SCN9A: variants seen among roughly 807,000 people sequenced by gnomAD.
The protein encoded by SCN9A is sodium voltage-gated channel alpha subunit 9.
A neutral mutation model predicts 187.0 loss-of-function variants in SCN9A; 131 were observed. That is an observed-to-expected ratio of 0.70 (90% confidence interval 0.61 to 0.81). The LOEUF is 0.81. SCN9A is among the 30% of genes least tolerant of loss of function. The pLI, the probability that SCN9A is intolerant of heterozygous loss-of-function variation, is 0.00. For synonymous variants in SCN9A, 809 were observed against 808.6 expected, an observed-to-expected ratio of 1.00 and a Z score of -0.01; for missense variants, 2,252 against 2,396.6, an observed-to-expected ratio of 0.94 and a Z score of 1.26.
intron 8 of SCN9A, 106 bp downstream of exon 8, chr2:166,294,493 A>C: frequency 1.4e-6 from 1 of 738,722 alleles, no homozygotes; most frequent in Admixed American, 2.6e-5. Context: ...ATACCATGAA[A>C]TATATAAAAA....
intron 9 of SCN9A, among the ~76,000 whole-genome samples, chr2:166,292,792 A>C (rs1698135792): frequency 6.6e-6 from 1 of 152,170 alleles, no homozygotes; most frequent in Non-Finnish European, 1.5e-5. Flanking sequence ...TTTGGGAGAG[A>C]AAAACTTAGA....
At chr2:166,250,754 C>T (rs993852628) in intron 18 of SCN9A, among the ~76,000 whole-genome samples, 1 of 152,032 alleles carries the variant, frequency 6.6e-6, no homozygotes, top group African/African-American at 2.4e-5. Flanking sequence ...ATGTAAAGAA[C>T]TTTACATGTC....
intron 11 of SCN9A, among the ~76,000 whole-genome samples, 161 bp downstream of exon 11, chr2:166,286,175 T>A (rs1213126663): frequency 6.6e-6 from 1 of 152,192 alleles, no homozygotes; most frequent in Admixed American, 6.5e-5. Context: ...TGGAAACCTG[T>A]GTACATCTTT....
intron 1 of SCN9A, among the ~76,000 whole-genome samples, chr2:166,312,599 C>G (rs1476578326): frequency 6.6e-6 from 1 of 152,068 alleles, no homozygotes; most frequent in Non-Finnish European, 1.5e-5. Context: ...TTTTCCCAGA[C>G]CCATCAGAGG....
Position 166,204,151 on chromosome 2 carries a change from A to G in SCN9A, c.4578T>C (p.Cys1526=), listed in dbSNP as rs1191592750. The G allele has an allele frequency of 6.2e-7, 1 of 1,611,852 alleles. No homozygotes were observed. The highest frequency in any genetic ancestry group is 8.5e-7 in the Non-Finnish European group (1 of 1,178,380). ...CTACCATCATGGTTACCATGTTGAG[A>G]CAGATAAGAACCATGATACTAATAT... ...AFDISIMVLI[C]LNMVTMMVEK... Residue 1526 remains cysteine (C), a synonymous_variant, in exon 26 of 27, where the codon TGT becomes TGC. Transcript: ENST00000642356.
intron 19 of SCN9A, among the ~76,000 whole-genome samples, chr2:166,238,769 T>C (rs1695431773): frequency 6.6e-6 from 1 of 152,216 alleles, no homozygotes; most frequent in Non-Finnish European, 1.5e-5. Context: ...AAAGATTTGC[T>C]AAATGAATGA....
At chr2:166,222,713 A>T (rs2106376842) in intron 24 of SCN9A, among the ~76,000 whole-genome samples, 1 of 149,464 alleles carries the variant, frequency 6.7e-6, no homozygotes, top group African/African-American at 2.5e-5. Context: ...CGGGCGGATC[A>T]CGAGGTCAGG....
chr2:166,293,154 T>C (rs1477956771), intron 9 of SCN9A, 77 bp downstream of exon 9: 1 of 1,333,724 alleles, frequency 7.5e-7, no homozygotes, highest in Non-Finnish European at 1.0e-6. Flanking sequence ...ATAAAAAACC[T>C]CCTAATACAG....
intron 24 of SCN9A, among the ~76,000 whole-genome samples, chr2:166,220,753 G>T (rs1375226096): frequency 6.6e-6 from 1 of 152,066 alleles, no homozygotes; most frequent in Non-Finnish European, 1.5e-5. Context: ...GTAAGATCAG[G>T]AATAAGACAA....
At chr2:166,276,236 A>G (rs1044569140) in intron 16 of SCN9A, among the ~76,000 whole-genome samples, 1 of 152,174 alleles carries the variant, frequency 6.6e-6, no homozygotes, top group Non-Finnish European at 1.5e-5. Flanking sequence ...ACGCGATGCT[A>G]TAGGCCAGTG....
At chr2:166,305,627 T>G (rs1698728922) in intron 5 of SCN9A, among the ~76,000 whole-genome samples, 165 bp downstream of exon 5, 1 of 152,096 alleles carries the variant, frequency 6.6e-6, no homozygotes, top group Admixed American at 6.6e-5. Context: ...TTGAAAAATT[T>G]AGTATTTGCC....
chr2:166,307,692 G>A (rs184973913), intron 2 of SCN9A, among the ~76,000 whole-genome samples: 25 of 152,098 alleles, frequency 1.6e-4, no homozygotes, highest in African/African-American at 5.3e-4. Flanking sequence ...TACTAACCAC[G>A]GTAATTTAAA....
At chr2:166,344,894 C>T (rs1699865162) in intron 1 of SCN9A, among the ~76,000 whole-genome samples, 1 of 152,160 alleles carries the variant, frequency 6.6e-6, no homozygotes, top group African/African-American at 2.4e-5. Flanking sequence ...TGTGAAGCAG[C>T]AGTGTAAGAC....
chr2:166,223,587 A>G (rs1351553686), intron 24 of SCN9A, among the ~76,000 whole-genome samples: 1 of 152,238 alleles, frequency 6.6e-6, no homozygotes, highest in Non-Finnish European at 1.5e-5. Context: ...GGGAGAATGG[A>G]GAATTGCTAT....
chr2:166,338,492 A>T (rs1220774662), intron 1 of SCN9A, among the ~76,000 whole-genome samples: 1 of 151,940 alleles, frequency 6.6e-6, no homozygotes. Context: ...TGTTTTTTAA[A>T]TTTTTTATTG....
At chr2:166,231,045 T>C (rs895312101) in intron 21 of SCN9A, among the ~76,000 whole-genome samples, 6 of 152,218 alleles carry the variant, frequency 3.9e-5, no homozygotes, top group African/African-American at 1.4e-4. Context: ...TGTAACTAAA[T>C]AGACATTTGC....
intron 17 of SCN9A, among the ~76,000 whole-genome samples, chr2:166,264,530 G>C (rs377741748): frequency 6.6e-6 from 1 of 151,938 alleles, no homozygotes. Flanking sequence ...AACTGTTTAA[G>C]ATATTTGACT....
At chr2:166,223,263 A>G (rs1694702666) in intron 24 of SCN9A, among the ~76,000 whole-genome samples, 1 of 152,226 alleles carries the variant, frequency 6.6e-6, no homozygotes, top group African/African-American at 2.4e-5. Flanking sequence ...TTCCATGTTC[A>G]CTTCAGCACT....
At chr2:166,226,306 A>G (rs376073473) in intron 24 of SCN9A, among the ~76,000 whole-genome samples, 1 of 152,196 alleles carries the variant, frequency 6.6e-6, no homozygotes, top group South Asian at 2.1e-4. Flanking sequence ...AAAACAGAAT[A>G]GTTGATATAT....
Sources: gnomAD v4.1 joint callset for allele counts (sites outside exome capture counted in the v4.1 genomes callset) on GRCh38, gnomAD v4.1.1 for gene constraint, MANE v1.5 for transcripts, NCBI Gene and HGNC (gene_info 2026-07-23, HGNC 2026-07-21) for gene names.